SENP7: variants seen among roughly 807,000 people sequenced by gnomAD.
The protein encoded by SENP7 is SUMO specific peptidase 7.
A neutral mutation model predicts 141.2 loss-of-function variants in SENP7; 64 were observed. That is an observed-to-expected ratio of 0.45 (90% CI 0.37 to 0.56). SENP7 has a LOEUF of 0.56. Ranked by LOEUF, SENP7 falls within the 20% of genes least tolerant of loss-of-function variation. The probability of loss-of-function intolerance (pLI) is 0.00; values close to 1 mark genes in which losing one functional copy is unlikely to be tolerated. For missense variants in SENP7, 1,025 were observed against 1,212.2 expected (o/e 0.85, Z 2.29); for synonymous variants, 382 against 426.4 (o/e 0.90, Z 1.28).
chr3:101,467,043 G>A (rs2063782787), intron 3 of SENP7, among the ~76,000 whole-genome samples: 1 of 152,208 alleles, frequency 6.6e-6, no homozygotes, highest in Non-Finnish European at 1.5e-5. Flanking sequence ...CCCGTGCCTG[G>A]CTCGGCAGGT....
At chr3:101,364,228 A>AAAAGAAAGAAAGAAAGAAAGAAAAGAAAG (rs2059976993) in intron 10 of SENP7, among the ~76,000 whole-genome samples, 1 of 148,664 alleles carries the variant, frequency 6.7e-6, no homozygotes, top group African/African-American at 2.5e-5. Flanking sequence ...CCTTGTCTCA[A>AAAAGAAAGAAAGAAAGAAAGAAAAGAAAG]AAAGAAAGAA....
intron 4 of SENP7, 131 bp downstream of exon 4, chr3:101,458,824 A>G (rs920094796): frequency 3.4e-6 from 2 of 581,320 alleles, no homozygotes; most frequent in Non-Finnish European, 6.1e-6. Context: ...AAAGAATCTT[A>G]GAGTCCACTG....
intron 3 of SENP7, among the ~76,000 whole-genome samples, chr3:101,489,735 G>T (rs1382134424): frequency 1.3e-5 from 2 of 152,120 alleles, no homozygotes; most frequent in Admixed American, 1.3e-4. Context: ...CCCACTGACA[G>T]CATTAGACAG....
intron 23 of SENP7, among the ~76,000 whole-genome samples, chr3:101,326,362 T>C (rs970320177): frequency 6.6e-5 from 10 of 152,144 alleles, no homozygotes; most frequent in African/African-American, 2.2e-4. Context: ...CCCAACATAA[T>C]AGATATTTAA....
rs901469563 is a variant in SENP7 at position 101,385,173 on chromosome 3, G to GTA, written c.678-13049_678-13048dup. Among the ~76,000 whole-genome samples, 17 of 151,856 alleles carry GTA rather than the reference G, an allele frequency of 1.1e-4. No individual in the cohort carries two copies. The South Asian group carries it at 1.5e-3, about 13-fold the overall frequency. The stretch of plus-strand genomic sequence containing the variant: ...GTGCATGTGTGTGTGTATATATACA[G>GTA]TATATATATATGTGCCACTTACTGA... On this transcript the variant is annotated intron_variant, in intron 6 of 23. Coordinates refer to ENST00000394095, the MANE Select transcript of SENP7 (RefSeq NM_020654.5).
At chr3:101,413,319 C>A (rs1030480607) in intron 5 of SENP7, among the ~76,000 whole-genome samples, 1 of 152,124 alleles carries the variant, frequency 6.6e-6, no homozygotes, top group Non-Finnish European at 1.5e-5. Flanking sequence ...AAACATCTAT[C>A]CAAAGCCATA....
At chr3:101,328,824 C>CT in intron 20 of SENP7, 135 bp from the exon 21 acceptor site, 1 of 674,412 alleles carries the variant, frequency 1.5e-6, no homozygotes, top group Non-Finnish European at 2.6e-6. Context: ...CAAAAGTGAG[C>CT]TAACTTCATT....
At chr3:101,385,671 C>G (rs994124196) in intron 6 of SENP7, among the ~76,000 whole-genome samples, 14 of 152,168 alleles carry the variant, frequency 9.2e-5, no homozygotes, top group South Asian at 8.3e-4. Context: ...CAGTCGATAG[C>G]AAAGCCCAGT....
chr3:101,400,700 CCT>C (rs1249521954), intron 5 of SENP7, among the ~76,000 whole-genome samples: 2 of 143,808 alleles, frequency 1.4e-5, no homozygotes, highest in East Asian at 2.0e-4. Flanking sequence ...CTCCCTATCC[CCT>C]GAGACACAGC....
At chr3:101,406,976 CATAT>C (rs2061324918) in intron 5 of SENP7, among the ~76,000 whole-genome samples, 1 of 152,148 alleles carries the variant, frequency 6.6e-6, no homozygotes, top group South Asian at 2.1e-4. Flanking sequence ...AACTAAGCTT[CATAT>C]ACAAAGGAAA....
intron 4 of SENP7, among the ~76,000 whole-genome samples, chr3:101,435,206 G>C (rs763891699): frequency 3.4e-4 from 49 of 144,616 alleles, no homozygotes; most frequent in Non-Finnish European, 5.9e-4. Flanking sequence ...AAAACCATTT[G>C]ATAAAATTCA....
In SENP7 at chr3:101,361,905, T is replaced by G. The variant is rs569748284; in HGVS notation, c.1477-44A>C. 5.7e-5 allele frequency: 87 copies of G among 1,530,354 alleles called. No individual in the cohort carries two copies. In the South Asian group the frequency reaches 9.1e-4, roughly 16 times the overall value. 94.8% of individuals were successfully genotyped at this position (1,530,354 alleles called of 1,614,324 possible). ...TAAAATGCATATAATTCTTAAGTAC[T>G]ATATAAATGCTGAAAATGACTTTCA... On this transcript the variant is annotated intron_variant, in intron 10 of 23. Transcript: ENST00000394095.
chr3:101,418,813 C>A (rs1465089395), intron 4 of SENP7, among the ~76,000 whole-genome samples: 10 of 150,322 alleles, frequency 6.7e-5, no homozygotes, highest in African/African-American at 1.2e-4. Context: ...TGCACACACA[C>A]AAAAAAAAAT....
chr3:101,424,924 A>G (rs1384076813), intron 4 of SENP7, among the ~76,000 whole-genome samples: 4 of 152,130 alleles, frequency 2.6e-5, no homozygotes. Flanking sequence ...CAGTTTCCCC[A>G]TACTGTTCTC....
intron 14 of SENP7, among the ~76,000 whole-genome samples, chr3:101,343,016 G>T (rs981761225): frequency 6.6e-6 from 1 of 152,074 alleles, no homozygotes; most frequent in African/African-American, 2.4e-5. Flanking sequence ...AACAGGACTT[G>T]TCTCATTTTT....
intron 6 of SENP7, among the ~76,000 whole-genome samples, chr3:101,397,527 G>A (rs1342811328): frequency 6.6e-6 from 1 of 152,092 alleles, no homozygotes; most frequent in African/African-American, 2.4e-5. Flanking sequence ...CTCATTTTGG[G>A]GGGAAAACTT....
At chr3:101,406,656 A>AT (rs2061316323) in intron 5 of SENP7, among the ~76,000 whole-genome samples, 1 of 152,146 alleles carries the variant, frequency 6.6e-6, no homozygotes, top group African/African-American at 2.4e-5. Flanking sequence ...TTTGGGGAAT[A>AT]ATTGAGGAAA....
At chr3:101,445,559 C>A (rs1388839053) in intron 4 of SENP7, among the ~76,000 whole-genome samples, 1 of 151,824 alleles carries the variant, frequency 6.6e-6, no homozygotes, top group East Asian at 1.9e-4. Flanking sequence ...CTACCAATAA[C>A]AACCTTACAT....
chr3:101,448,570 T>C (rs1038457630), intron 4 of SENP7, among the ~76,000 whole-genome samples: 44 of 79,098 alleles, frequency 5.6e-4, no homozygotes, highest in African/African-American at 2.7e-3. Flanking sequence ...CTGGAAGTTT[T>C]GTCTCAGAGA....
Sources: allele counts gnomAD v4.1 joint callset (sites outside exome capture counted in the v4.1 genomes callset), GRCh38; gene constraint gnomAD v4.1.1; transcripts MANE v1.5; gene names NCBI Gene and HGNC (gene_info 2026-07-23, HGNC 2026-07-21).